JAK2: variants seen among roughly 807,000 people sequenced by gnomAD.
JAK2 encodes tyrosine-protein kinase JAK2.
JAK2 carries 86 observed loss-of-function variants against 139.3 expected under a neutral mutation model. That is an observed-to-expected ratio of 0.62 (90% confidence interval 0.52 to 0.74). The LOEUF (loss-of-function observed/expected upper bound fraction) is 0.74. JAK2 is among the 30% of genes least tolerant of loss of function. The pLI is 0.00. For synonymous variants in JAK2, 490 were observed against 437.7 expected (o/e 1.12, Z -1.49); for missense variants, 1,421 against 1,360.3 (o/e 1.04, Z -0.70).
rs536665069 is a variant in JAK2 at position 5,095,807 on chromosome 9, C to CG, written c.3059+4896_3059+4897insG. ...ATAGGTTGAATGATCCCAGTACTAA[C>CG]TTATAATCCAAACGTTACCATTATA... On this transcript the variant is annotated intron_variant, in intron 22 of 24. Coordinates refer to ENST00000381652, the MANE Select transcript of JAK2 (RefSeq NM_004972.4). 1.1e-3 allele frequency among the ~76,000 whole-genome samples: 175 copies of CG among 152,294 alleles called. 1 individual carries two copies. Among genetic ancestry groups the CG allele is most frequent in the African/African-American group, 3.8e-3 (160 of 41,560 alleles).
chr9:5,017,418 T>G (rs933298947), intron 2 of JAK2, among the ~76,000 whole-genome samples: 1 of 152,240 alleles, frequency 6.6e-6, no homozygotes, highest in African/African-American at 2.4e-5. Flanking sequence ...ATTAACTTTC[T>G]ATCTTTTCAG....
At chr9:5,090,676 T>G in intron 21 of JAK2, 63 bp from the exon 22 acceptor site, 1 of 1,537,982 alleles carries the variant, frequency 6.5e-7, no homozygotes, top group East Asian at 2.3e-5. Flanking sequence ...ATATATAGGG[T>G]TAAGACCATT....
chr9:5,001,862 T>C (rs927386718), intron 2 of JAK2, among the ~76,000 whole-genome samples: 1 of 152,060 alleles, frequency 6.6e-6, no homozygotes, highest in Non-Finnish European at 1.5e-5. Flanking sequence ...AGAGATATGA[T>C]ACTATTCAAG....
chr9:5,028,702 C>T (rs1382720429), intron 3 of JAK2, among the ~76,000 whole-genome samples: 10 of 152,240 alleles, frequency 6.6e-5, no homozygotes, highest in Admixed American at 6.5e-4. Flanking sequence ...CTTGCTGCTT[C>T]ACCTTGCACT....
intron 23 of JAK2, among the ~76,000 whole-genome samples, chr9:5,125,061 A>T (rs1823885110): frequency 6.6e-6 from 1 of 151,262 alleles, no homozygotes; most frequent in Non-Finnish European, 1.5e-5. Flanking sequence ...TTCCAAAGTA[A>T]TTTTTCTCTT....
chr9:5,090,919 T>C lies in JAK2; in HGVS notation c.3059+8T>C. 1.3e-6 allele frequency: 2 copies of C among 1,545,506 alleles called. No homozygotes were observed. Among genetic ancestry groups the C allele is most frequent in the Non-Finnish European group, 1.7e-6 (2 of 1,144,682 alleles). On this transcript the variant is annotated splice_region_variant and intron_variant, in intron 22 of 24. Transcript: ENST00000381652. ...TGAAAGTCCCATATTCTGGTGAGTA[T>C]ATTTCAGTATGATAAATGAAATTTT... is the stretch of plus-strand genomic sequence containing the variant.
chr9:5,089,083 A>T (rs995660368), intron 19 of JAK2, among the ~76,000 whole-genome samples: 3 of 152,354 alleles, frequency 2.0e-5, no homozygotes, highest in African/African-American at 7.2e-5. Flanking sequence ...CCCTTGGCTT[A>T]TCTTGACAAT....
intron 22 of JAK2, among the ~76,000 whole-genome samples, chr9:5,120,210 G>C (rs902850709): frequency 6.6e-6 from 1 of 152,168 alleles, no homozygotes; most frequent in Non-Finnish European, 1.5e-5. Flanking sequence ...GTGGAAGGGC[G>C]AGAGGGGCCA....
At chr9:5,086,562 C>A (rs950935871) in intron 19 of JAK2, among the ~76,000 whole-genome samples, 1 of 152,090 alleles carries the variant, frequency 6.6e-6, no homozygotes, top group African/African-American at 2.4e-5. Flanking sequence ...ACCTTACCTC[C>A]TGCCATTATT....
Position 5,129,485 on chromosome 9 carries a change from C to A in JAK2, c.*2694C>A, listed in dbSNP as rs750215004. On this transcript the variant is annotated 3_prime_UTR_variant, in exon 25 of 25. Coordinates refer to ENST00000381652, the MANE Select transcript of JAK2 (RefSeq NM_004972.4). ...CTGAAATTATTTCTCATGAAAGTTT[C>A]TCTAATATTTCTAATGAAAGTTTCT... Among the ~76,000 whole-genome samples, 4 of 152,004 alleles carry A rather than the reference C, an allele frequency of 2.6e-5. No homozygotes were observed. Among genetic ancestry groups the A allele is most frequent in the Admixed American group, 6.6e-5 (1 of 15,264 alleles).
intron 23 of JAK2, 77 bp downstream of exon 23, chr9:5,123,198 A>G (rs962684427): frequency 1.5e-5 from 14 of 906,566 alleles, no homozygotes; most frequent in African/African-American, 3.3e-5. Flanking sequence ...TACAAGTACA[A>G]TTTTGCTACA....
intron 22 of JAK2, chr9:5,113,762 C>T (rs569559093): frequency 6.0e-6 from 1 of 166,306 alleles, no homozygotes; most frequent in South Asian, 1.6e-4. Context: ...CACCAGCCAG[C>T]TGACTGCCTC....
intron 2 of JAK2, among the ~76,000 whole-genome samples, chr9:4,995,871 G>C (rs1027856552): frequency 1.3e-5 from 2 of 151,908 alleles, no homozygotes; most frequent in African/African-American, 2.4e-5. Context: ...TTATTGTGAA[G>C]TATTAAGTTA....
At chr9:4,998,242 A>G (rs967161227) in intron 2 of JAK2, among the ~76,000 whole-genome samples, 4 of 152,044 alleles carry the variant, frequency 2.6e-5, no homozygotes, top group African/African-American at 9.7e-5. Context: ...TAAGGGAAAA[A>G]AAACTCCAAC....
At chr9:5,041,677 T>G (rs1374524416) in intron 4 of JAK2, 14 of 511,266 alleles carry the variant, frequency 2.7e-5, no homozygotes, top group South Asian at 2.1e-4. Context: ...TCCAGCTACC[T>G]CTTCGACCGA....
At chr9:5,057,580 C>CTTT (rs541931562) in intron 8 of JAK2, among the ~76,000 whole-genome samples, 20 of 116,762 alleles carry the variant, frequency 1.7e-4, no homozygotes, top group Non-Finnish European at 2.6e-4. Context: ...ATTCTACTTT[C>CTTT]TTTTTTTTTT....
At chr9:4,999,752 A>C (rs1820818386) in intron 2 of JAK2, among the ~76,000 whole-genome samples, 1 of 152,204 alleles carries the variant, frequency 6.6e-6, no homozygotes, top group Non-Finnish European at 1.5e-5. Flanking sequence ...CCTGGTGTAC[A>C]TCATTTTTAA....
At chr9:5,003,275 G>A (rs1260829055) in intron 2 of JAK2, among the ~76,000 whole-genome samples, 3 of 151,976 alleles carry the variant, frequency 2.0e-5, no homozygotes, top group Non-Finnish European at 2.9e-5. Flanking sequence ...TTAATTGGAA[G>A]TGGGTTGAAT....
intron 4 of JAK2, among the ~76,000 whole-genome samples, chr9:5,032,877 C>T (rs752572586): frequency 9.9e-5 from 15 of 152,264 alleles, no homozygotes; most frequent in South Asian, 2.1e-4. Flanking sequence ...TTACCAGCAA[C>T]GGAACAAAGC....
Sources: gnomAD v4.1 joint callset for allele counts (sites outside exome capture counted in the v4.1 genomes callset) on GRCh38, gnomAD v4.1.1 for gene constraint, MANE v1.5 for transcripts, NCBI Gene and HGNC (gene_info 2026-07-23, HGNC 2026-07-21) for gene names.